CYP20A1: variants seen among roughly 807,000 people sequenced by gnomAD.
CYP20A1 encodes the protein cytochrome P450 20A1.
Under a neutral mutation model 61.4 loss-of-function variants are expected in CYP20A1, and 61 were observed. The ratio of observed to expected loss-of-function variants is 0.99; its 90% CI spans 0.81 to 1.23. The LOEUF is 1.23. Among genes scored for constraint, CYP20A1 ranks in the 50% most tolerant of loss-of-function variants. The probability of loss-of-function intolerance (pLI) is 0.00; values close to 1 mark genes in which losing one functional copy is unlikely to be tolerated. For missense variants in CYP20A1, 530 were observed against 542.4 expected, an observed-to-expected ratio of 0.98 and a Z score of 0.23; for synonymous variants, 193 against 188.2, an observed-to-expected ratio of 1.03 and a Z score of -0.21.
chr2:203,262,506 G>A (rs959191993), intron 4 of CYP20A1, among the ~76,000 whole-genome samples: 7 of 151,884 alleles, frequency 4.6e-5, no homozygotes, highest in Non-Finnish European at 1.0e-4. Flanking sequence ...TTTTGTTTAT[G>A]CTCTTATGTT....
At chr2:203,278,495 A>G (rs1255243988) in intron 6 of CYP20A1, 78 bp from the exon 7 acceptor site, 1 of 580,902 alleles carries the variant, frequency 1.7e-6, no homozygotes, top group Non-Finnish European at 2.9e-6. Flanking sequence ...ATATAGTAAC[A>G]TTGCACAGAA....
At chr2:203,281,933 A>G (rs1462636652) in intron 8 of CYP20A1, among the ~76,000 whole-genome samples, 1 of 152,156 alleles carries the variant, frequency 6.6e-6, no homozygotes, top group East Asian at 1.9e-4. Context: ...ACAAATGTAA[A>G]CGTCCCATAA....
intron 9 of CYP20A1, 112 bp downstream of exon 9, chr2:203,285,844 A>C: frequency 1.1e-6 from 1 of 950,288 alleles, no homozygotes; most frequent in Non-Finnish European, 1.5e-6. Flanking sequence ...TAGGACTTAA[A>C]GTATTTATAT....
intron 8 of CYP20A1, among the ~76,000 whole-genome samples, chr2:203,283,158 CAG>C (rs1446529430): frequency 2.7e-5 from 4 of 147,126 alleles, no homozygotes; most frequent in Admixed American, 6.9e-5. Flanking sequence ...GCCTGGGTGA[CAG>C]AGTGTGACCC....
intron 1 of CYP20A1, among the ~76,000 whole-genome samples, chr2:203,244,651 T>C (rs1349733003): frequency 6.6e-6 from 1 of 151,962 alleles, no homozygotes; most frequent in East Asian, 1.9e-4. Flanking sequence ...TATGTGTTAG[T>C]TGATGTAGAG....
At chr2:203,282,035 C>CTTT (rs113768629) in intron 8 of CYP20A1, among the ~76,000 whole-genome samples, 36 of 116,400 alleles carry the variant, frequency 3.1e-4, no homozygotes, top group Non-Finnish European at 4.9e-4. Flanking sequence ...TGTATTCAAC[C>CTTT]TTTTTTTTTT....
At chr2:203,248,579 G>A (rs2066545356) in intron 3 of CYP20A1, among the ~76,000 whole-genome samples, 1 of 152,134 alleles carries the variant, frequency 6.6e-6, no homozygotes, top group Non-Finnish European at 1.5e-5. Context: ...GCAAACAGAT[G>A]TAAAAGAGTA....
intron 5 of CYP20A1, among the ~76,000 whole-genome samples, chr2:203,271,075 TATA>T (rs1559097626): frequency 3.7e-4 from 28 of 75,362 alleles, no homozygotes; most frequent in African/African-American, 1.2e-3. Context: ...TATATATATA[TATA>T]TATATTTTTT....
At chr2:203,263,066 G>A (rs1455248269) in intron 4 of CYP20A1, among the ~76,000 whole-genome samples, 1 of 151,508 alleles carries the variant, frequency 6.6e-6, no homozygotes, top group Non-Finnish European at 1.5e-5. Flanking sequence ...GCGGCTCACT[G>A]CAACCTCCGC....
Position 203,301,504 on chromosome 2 carries a change from C to G in CYP20A1, c.*4596C>G, listed in dbSNP as rs959327918. Among the ~76,000 whole-genome samples the G allele has an allele frequency of 8.5e-5, 13 of 152,056 alleles. No homozygotes were observed. The highest frequency in any genetic ancestry group is 6.6e-5 in the Admixed American group (1 of 15,250). ...CAGTCTTGTCTCAAACTCCTAGGCT[C>G]AAGCGATCCTCCCACCTGGGCCTCC... On this transcript the variant is annotated 3_prime_UTR_variant, in exon 13 of 13. Transcript: ENST00000356079.
rs1465373592 is a variant in CYP20A1 at position 203,304,881 on chromosome 2, A to G, written c.*7973A>G. ...AGCCCAGGAGGTAGAGGTTGCAGTG[A>G]GCCATGATCATGCCACTGCACTCCA... On this transcript the variant is annotated 3_prime_UTR_variant, in exon 13 of 13. Coordinates refer to ENST00000356079, the MANE Select transcript of CYP20A1 (RefSeq NM_177538.3). Among the ~76,000 whole-genome samples, 4 of 152,096 alleles carry G rather than the reference A, an allele frequency of 2.6e-5. No individual in the cohort carries two copies. The highest frequency in any genetic ancestry group is 9.7e-5 in the African/African-American group (4 of 41,416).
At chr2:203,271,063 T>C (rs1233505673) in intron 5 of CYP20A1, among the ~76,000 whole-genome samples, 1 of 60,172 alleles carries the variant, frequency 1.7e-5, no homozygotes, top group Non-Finnish European at 3.3e-5. Flanking sequence ...TGTATATATA[T>C]ATATATATAT....
At chr2:203,250,476 G>A (rs1468196829) in intron 3 of CYP20A1, among the ~76,000 whole-genome samples, 1 of 151,936 alleles carries the variant, frequency 6.6e-6, no homozygotes, top group Admixed American at 6.6e-5. Flanking sequence ...AGGCAATCTG[G>A]TTCAAGATTG....
At position 203,303,532 on chromosome 2, in the gene CYP20A1, C is replaced by G. The variant is rs183626107; in HGVS notation, c.*6624C>G. ...CCAACGTGGTGAAACTCCATCTCTACTAAAAATACCAAAAGTAGCGGGCGT... is the reference window on the plus strand; with the variant it reads ...CCAACGTGGTGAAACTCCATCTCTAGTAAAAATACCAAAAGTAGCGGGCGT... On this transcript the variant is annotated 3_prime_UTR_variant, in exon 13 of 13. Transcript: ENST00000356079. Among the ~76,000 whole-genome samples, 1 of 151,752 alleles carries G rather than the reference C, an allele frequency of 6.6e-6. No homozygotes were observed. Among genetic ancestry groups the G allele is most frequent in the African/African-American group, 2.4e-5 (1 of 41,408 alleles).
In CYP20A1 at chr2:203,245,845, G is replaced by C. The variant is rs1348441425; in HGVS notation, c.73-1G>C. 6.3e-7 allele frequency: 1 copy of C among 1,590,070 alleles called. No homozygotes were observed. Among genetic ancestry groups the C allele is most frequent in the Admixed American group, 1.7e-5 (1 of 57,964 alleles). On this transcript the variant is annotated splice_acceptor_variant, in intron 1 of 12. Transcript: ENST00000356079. LOFTEE classifies it high-confidence loss of function. ...ATTATTATAAACTTTTTTTTTGTAAGGCTTCCAGACAAGCTGCAGGAATTC... is the reference window on the plus strand; with the variant it reads ...ATTATTATAAACTTTTTTTTTGTAACGCTTCCAGACAAGCTGCAGGAATTC...
intron 11 of CYP20A1, among the ~76,000 whole-genome samples, chr2:203,292,634 C>G (rs1469907810): frequency 2.6e-5 from 4 of 151,980 alleles, no homozygotes; most frequent in African/African-American, 9.7e-5. Flanking sequence ...CATTTTTGTA[C>G]TTTTTGTACA....
intron 11 of CYP20A1, among the ~76,000 whole-genome samples, chr2:203,294,140 A>C (rs994600951): frequency 5.3e-5 from 8 of 152,048 alleles, no homozygotes; most frequent in African/African-American, 1.9e-4. Flanking sequence ...ATACGCTACC[A>C]TGCCTGGCTA....
chr2:203,296,998 T>G lies in CYP20A1; in HGVS notation c.*90T>G. On this transcript the variant is annotated 3_prime_UTR_variant, in exon 13 of 13. Coordinates refer to ENST00000356079, the MANE Select transcript of CYP20A1 (RefSeq NM_177538.3). Reference sequence around the variant, plus strand: ...TGTTGAATCCTTTTATAAACCAGTATCACTTTGTAATATAAACACCTATTT... The same window carrying G: ...TGTTGAATCCTTTTATAAACCAGTAGCACTTTGTAATATAAACACCTATTT... 1.3e-6 allele frequency: 1 copy of G among 751,472 alleles called. No individual in the cohort carries two copies. The highest frequency in any genetic ancestry group is 2.1e-6 in the Non-Finnish European group (1 of 479,462). 46.6% of individuals were successfully genotyped at this position (751,472 alleles called of 1,614,324 possible).
In CYP20A1 at chr2:203,301,914, CTT is replaced by C. The variant is rs763764173; in HGVS notation, c.*5027_*5028del. ...TTTGAAGTTAACCACTGTTAAGATT[CTT>C]TTTTTTTTTTTTTTTTTTTTGTTTT... On this transcript the variant is annotated 3_prime_UTR_variant, in exon 13 of 13. Transcript: ENST00000356079. 1.9e-5 allele frequency among the ~76,000 whole-genome samples: 2 copies of C among 103,566 alleles called. No homozygotes were observed. Among genetic ancestry groups the C allele is most frequent in the African/African-American group, 3.7e-5 (1 of 26,748 alleles). 67.9% of individuals were successfully genotyped at this position (103,566 alleles called of 152,430 possible). A position where few individuals can be genotyped will look rare whatever the true frequency, so the allele number is the denominator to read the frequency against.
Sources: allele counts gnomAD v4.1 joint callset (sites outside exome capture counted in the v4.1 genomes callset), GRCh38; gene constraint gnomAD v4.1.1; transcripts MANE v1.5; gene names NCBI Gene and HGNC (gene_info 2026-07-23, HGNC 2026-07-21).